HMCN1: variants seen among roughly 807,000 people sequenced by gnomAD.
HMCN1 encodes hemicentin-1.
Under a neutral mutation model 625.9 loss-of-function variants are expected in HMCN1, and 321 were observed. The ratio of observed to expected loss-of-function variants is 0.51; its 90% CI spans 0.47 to 0.56. The LOEUF is 0.56. HMCN1 is among the 20% of genes least tolerant of loss of function. The pLI, the probability that HMCN1 is intolerant of heterozygous loss-of-function variation, is 0.00. For synonymous variants in HMCN1, 2,425 were observed against 2,417.6 expected (o/e 1.00, Z -0.09); for missense variants, 6,588 against 6,887.3 (o/e 0.96, Z 1.54).
At chr1:186,035,107 T>A (rs921983000) in intron 36 of HMCN1, among the ~76,000 whole-genome samples, 2 of 152,202 alleles carry the variant, frequency 1.3e-5, no homozygotes, top group South Asian at 4.1e-4. Flanking sequence ...CTTCCTTTTT[T>A]TCTTTTCCAG....
At chr1:186,167,991 A>G (rs1331860267) in intron 100 of HMCN1, among the ~76,000 whole-genome samples, 1 of 151,700 alleles carries the variant, frequency 6.6e-6, no homozygotes, top group Non-Finnish European at 1.5e-5. Flanking sequence ...CTATCAATAA[A>G]TGACGCATGG....
intron 1 of HMCN1, among the ~76,000 whole-genome samples, chr1:185,739,777 G>T (rs533735853): frequency 6.6e-6 from 1 of 152,068 alleles, no homozygotes; most frequent in South Asian, 2.1e-4. Flanking sequence ...AATATATATG[G>T]TATTTTTGAT....
chr1:186,090,822 T>C lies in HMCN1; in HGVS notation c.9792T>C (p.Val3264=). Residue 3264 remains valine (V), a synonymous_variant, in exon 64 of 107, where the codon GTT becomes GTC. Coordinates refer to ENST00000271588, the MANE Select transcript of HMCN1 (RefSeq NM_031935.3). ...TCAGTGTCCTTCTAGGAGAAAATGT[T>C]GAGCTGGTCTGCAATGCAAATGGCA... ...SDVSVLLGEN[V]ELVCNANGIP... 1 of 1,612,720 alleles carries C rather than the reference T, an allele frequency of 6.2e-7. No homozygotes were observed. The highest frequency in any genetic ancestry group is 1.1e-5 in the South Asian group (1 of 91,060).
At chr1:185,799,570 C>T (rs1003925700) in intron 1 of HMCN1, among the ~76,000 whole-genome samples, 1 of 151,816 alleles carries the variant, frequency 6.6e-6, no homozygotes, top group Admixed American at 6.6e-5. Context: ...TTATGAATAC[C>T]CTTGGTGTGG....
At chr1:186,005,713 A>G (rs2102087763) in intron 29 of HMCN1, among the ~76,000 whole-genome samples, 5 of 152,328 alleles carry the variant, frequency 3.3e-5, no homozygotes, top group Middle Eastern at 6.8e-3. Context: ...CCACAGACCA[A>G]GGATACTTTT....
chr1:186,116,027 T>C (rs1265271314), intron 75 of HMCN1, among the ~76,000 whole-genome samples: 1 of 152,176 alleles, frequency 6.6e-6, no homozygotes, highest in East Asian at 1.9e-4. Flanking sequence ...ACATTTGCCA[T>C]AGCGCTAAAA....
At chr1:185,858,115 A>G (rs1285618817) in intron 2 of HMCN1, among the ~76,000 whole-genome samples, 3 of 152,150 alleles carry the variant, frequency 2.0e-5, no homozygotes, top group African/African-American at 7.2e-5. Flanking sequence ...AGAAGTTAGT[A>G]CTCCGTCAAT....
In HMCN1 at chr1:186,153,761, G is replaced by T; in HGVS notation, c.15030G>T (p.Glu5010Asp). ...ATTGTTCTCCTTAGGATTACACAGAGGACTACATTCAAACAGGTCCTGGGC... is the reference window on the plus strand; with the variant it reads ...ATTGTTCTCCTTAGGATTACACAGATGACTACATTCAAACAGGTCCTGGGC... ...PAEVTVKDYT[E>D]DYIQTGPGQL... Residue 5010 changes from glutamate to aspartate, a missense_variant, in exon 97 of 107, where the codon GAG becomes GAT. By Grantham distance (45) the Glu-to-Asp change is conservative. This residue lies in a region of HMCN1 where 1,954 missense variants were observed against 2,013.1 expected (regional missense o/e 0.97). Coordinates refer to ENST00000271588, the MANE Select transcript of HMCN1 (RefSeq NM_031935.3). 2 of 1,613,874 alleles carry T rather than the reference G, an allele frequency of 1.2e-6. No homozygotes were observed. The highest frequency in any genetic ancestry group is 2.2e-5 in the South Asian group (2 of 91,062).
chr1:186,114,599 T>C (rs1661040472), intron 73 of HMCN1, among the ~76,000 whole-genome samples: 1 of 152,156 alleles, frequency 6.6e-6, no homozygotes, highest in Non-Finnish European at 1.5e-5. Context: ...AAGGCTTATG[T>C]CTACATAATG....
intron 9 of HMCN1, among the ~76,000 whole-genome samples, chr1:185,926,982 A>G (rs986581256): frequency 6.6e-6 from 1 of 152,236 alleles, no homozygotes; most frequent in South Asian, 2.1e-4. Context: ...GTAACATTTC[A>G]TCATCAAGAA....
chr1:186,141,528 T>C (rs1365945716), intron 89 of HMCN1, among the ~76,000 whole-genome samples: 1 of 152,188 alleles, frequency 6.6e-6, no homozygotes, highest in Non-Finnish European at 1.5e-5. Flanking sequence ...ATATCTTCGG[T>C]GATGGCCTGT....
At chr1:185,849,207 C>G (rs1452714852) in intron 2 of HMCN1, among the ~76,000 whole-genome samples, 1 of 152,154 alleles carries the variant, frequency 6.6e-6, no homozygotes, top group Non-Finnish European at 1.5e-5. Context: ...TCTGTATCCC[C>G]ACCCATCTCC....
At chr1:186,077,897 C>T (rs886571290) in intron 54 of HMCN1, among the ~76,000 whole-genome samples, 1 of 152,178 alleles carries the variant, frequency 6.6e-6, no homozygotes, top group African/African-American at 2.4e-5. Flanking sequence ...ATTCATTTCT[C>T]AGGAGTTCCG....
chr1:186,106,923 C>G lies in HMCN1; in HGVS notation c.10810C>G (p.Pro3604Ala). The change falls in exon 70 of 107, where the codon CCT becomes GCT. Residue 3604 changes from proline (P) to alanine (A), a missense_variant. This residue lies in a region of HMCN1 where 4,628 missense variants were observed against 4,853.1 expected (regional missense o/e 0.95). Coordinates refer to ENST00000271588, the MANE Select transcript of HMCN1 (RefSeq NM_031935.3). Reference sequence around the variant, plus strand: ...AAGATATACATGTCTGGCATCCAGTCCTGCAGGAGATGATGATAAGGAATA... The same window carrying G: ...AAGATATACATGTCTGGCATCCAGTGCTGCAGGAGATGATGATAAGGAATA... ...TGRYTCLASS[P>A]AGDDDKEYLV... 1 of 1,612,726 alleles carries G rather than the reference C, an allele frequency of 6.2e-7. No homozygotes were observed. The highest frequency in any genetic ancestry group is 8.5e-7 in the Non-Finnish European group (1 of 1,178,848).
chr1:186,117,522 T>G lies in HMCN1; in HGVS notation c.11747T>G (p.Ile3916Ser). ...GTAACCAAACATGCCCCAGCAGTAATTACCTGCACTGCTTCGGGAGTTCCA... is the reference window on the plus strand; with the variant it reads ...GTAACCAAACATGCCCCAGCAGTAAGTACCTGCACTGCTTCGGGAGTTCCA... ...FLVTKHAPAVITCTASGVPFP... is the reference protein window; with the variant it reads ...FLVTKHAPAVSTCTASGVPFP... The change falls in exon 77 of 107, where the codon ATT becomes AGT. Residue 3916 changes from isoleucine to serine, a missense_variant. Physicochemically the swap from Ile to Ser is moderately radical, Grantham distance 142. Around this residue, in one of 3 missense-constraint regions of HMCN1, gnomAD observed 4,628 missense variants for 4,853.1 expected, o/e 0.95. Transcript: ENST00000271588. 6.2e-7 allele frequency: 1 copy of G among 1,613,708 alleles called. No individual in the cohort carries two copies. Among genetic ancestry groups the G allele is most frequent in the Non-Finnish European group, 8.5e-7 (1 of 1,179,676 alleles).
Position 185,744,650 on chromosome 1 carries a change from A to G in HMCN1, c.268+9603A>G, listed in dbSNP as rs151219784. Among the ~76,000 whole-genome samples, 693 of 152,348 alleles carry G rather than the reference A, an allele frequency of 4.5e-3. 2 individuals are homozygous for G. The highest frequency in any genetic ancestry group is 7.6e-3 in the Non-Finnish European group (520 of 68,036). Reference sequence around the variant, plus strand: ...GCTACCTTTTATAGCAGAAGGAAGCATGGGTGCTGTGCAGACCCAGAGCAG... The same window carrying G: ...GCTACCTTTTATAGCAGAAGGAAGCGTGGGTGCTGTGCAGACCCAGAGCAG... On this transcript the variant is annotated intron_variant, in intron 1 of 106. Transcript: ENST00000271588.
intron 106 of HMCN1, among the ~76,000 whole-genome samples, chr1:186,188,481 C>T (rs1047647405): frequency 2.6e-5 from 4 of 152,148 alleles, no homozygotes; most frequent in African/African-American, 9.7e-5. Flanking sequence ...GTTCATACAT[C>T]ATCTTGCTTA....
At chr1:186,046,473 CA>C (rs59975448) in intron 41 of HMCN1, among the ~76,000 whole-genome samples, 96,897 of 149,628 alleles carry the variant, frequency 0.65, 32,971 homozygotes, top group African/African-American at 0.89. Flanking sequence ...TCTCAAACAA[CA>C]AAAAAAAAAA....
intron 1 of HMCN1, among the ~76,000 whole-genome samples, chr1:185,823,181 T>G (rs1660299682): frequency 6.6e-6 from 1 of 152,004 alleles, no homozygotes; most frequent in Middle Eastern, 3.4e-3. Context: ...TCCTACTGAC[T>G]ATTAAATGAT....
Sources: gnomAD v4.1 joint callset for allele counts (sites outside exome capture counted in the v4.1 genomes callset) on GRCh38, gnomAD v4.1.1 for gene constraint, gnomAD v4.1.1 regional missense constraint, MANE v1.5 for transcripts, NCBI Gene and HGNC (gene_info 2026-07-23, HGNC 2026-07-21) for gene names.